The following CTNNA2 variants were observed in gnomAD, a reference collection of about 807,000 sequenced individuals.
The protein encoded by CTNNA2 is catenin alpha-2.
A neutral mutation model predicts 101.0 loss-of-function variants in CTNNA2; 42 were observed. That is an observed-to-expected ratio of 0.42 (90% CI 0.32 to 0.54). The LOEUF is 0.54. Among genes scored for constraint, CTNNA2 ranks in the 20% least tolerant of loss-of-function variants. The pLI, the probability that CTNNA2 is intolerant of heterozygous loss-of-function variation, is 0.14. For missense variants in CTNNA2, 871 were observed against 1,223.1 expected, an observed-to-expected ratio of 0.71 and a Z score of 4.29; for synonymous variants, 450 against 456.4, an observed-to-expected ratio of 0.99 and a Z score of 0.18.
rs144484759 is a variant in CTNNA2 at position 80,442,625 on chromosome 2, A to T, written c.1290+23024A>T. On this transcript the variant is annotated intron_variant, in intron 9 of 18. Transcript: ENST00000402739. Reference sequence around the variant, plus strand: ...CCACTGGGTGATAGAATTTTAGGCCATTAATATACCGTCTCTGTCTTTTTT... The same window carrying T: ...CCACTGGGTGATAGAATTTTAGGCCTTTAATATACCGTCTCTGTCTTTTTT... Among the ~76,000 whole-genome samples the T allele has an allele frequency of 3.1e-3, 471 of 152,314 alleles. 3 individuals are homozygous for T. The highest frequency in any genetic ancestry group is 0.011 in the African/African-American group (460 of 41,566).
intron 4 of CTNNA2, among the ~76,000 whole-genome samples, chr2:79,467,413 A>G (rs1240182712): frequency 6.6e-6 from 1 of 152,230 alleles, no homozygotes; most frequent in African/African-American, 2.4e-5. Flanking sequence ...GGTGTACCTG[A>G]AAGTGACGGG....
chr2:80,122,019 G>A (rs1267823306), intron 7 of CTNNA2, among the ~76,000 whole-genome samples: 1 of 152,112 alleles, frequency 6.6e-6, no homozygotes, highest in Non-Finnish European at 1.5e-5. Context: ...TCCTCGGCTT[G>A]GTCACAAATG....
At position 80,489,123 on chromosome 2, in the gene CTNNA2, C is replaced by G. The variant is rs187430445; in HGVS notation, c.1291-55859C>G. Among the ~76,000 whole-genome samples the G allele has an allele frequency of 7.2e-5, 11 of 152,128 alleles. No homozygotes were observed. In the East Asian group the frequency reaches 2.1e-3, roughly 29 times the overall value. On this transcript the variant is annotated intron_variant, in intron 9 of 18. Coordinates refer to ENST00000402739, the MANE Select transcript of CTNNA2 (RefSeq NM_001282597.3). The stretch of plus-strand genomic sequence containing the variant: ...TGGTGATTTTATGCTGGTCAGATTT[C>G]CCATTTGAATGAGGTGACAGCATTC...
chr2:80,552,284 T>C (rs78374889), intron 11 of CTNNA2, among the ~76,000 whole-genome samples: 1,823 of 152,286 alleles, frequency 0.012, 45 homozygotes, highest in African/African-American at 0.04. Flanking sequence ...ACCAACAGAC[T>C]TGCTTGACGC....
intron 7 of CTNNA2, among the ~76,000 whole-genome samples, chr2:80,031,631 A>T (rs1050726427): frequency 3.9e-5 from 6 of 152,228 alleles, no homozygotes; most frequent in African/African-American, 1.4e-4. Context: ...CGGCCAAACT[A>T]TATCAGGGTG....
At chr2:79,822,526 C>T (rs957849339) in intron 3 of CTNNA2, among the ~76,000 whole-genome samples, 11 of 152,262 alleles carry the variant, frequency 7.2e-5, no homozygotes, top group Admixed American at 7.2e-4. Context: ...ATACAGGAAG[C>T]ATCCTCCACA....
At chr2:79,879,887 G>T (rs1446396410) in intron 6 of CTNNA2, among the ~76,000 whole-genome samples, 1 of 152,060 alleles carries the variant, frequency 6.6e-6, no homozygotes, top group Non-Finnish European at 1.5e-5. Context: ...GGGCAGTTTT[G>T]TTATGTATTG....
chr2:80,378,665 A>G (rs13431891), intron 7 of CTNNA2: 22,149 of 152,102 alleles, frequency 0.15, 3,709 homozygotes, highest in African/African-American at 0.41. Flanking sequence ...TAGAAGCAAC[A>G]ATAGTTCATT....
intron 7 of CTNNA2, among the ~76,000 whole-genome samples, chr2:79,986,866 A>G (rs1558702481): frequency 6.6e-6 from 1 of 152,174 alleles, no homozygotes. Flanking sequence ...GCCTCTGTTT[A>G]CATGTTGTCT....
At chr2:79,326,295 A>C (rs1052057287) in intron 3 of CTNNA2, among the ~76,000 whole-genome samples, 3 of 137,854 alleles carry the variant, frequency 2.2e-5, no homozygotes, top group African/African-American at 8.3e-5. Flanking sequence ...CACTAAACAA[A>C]CAAGCAAAAA....
chr2:79,393,422 T>C (rs992592832), intron 4 of CTNNA2, among the ~76,000 whole-genome samples: 14 of 152,228 alleles, frequency 9.2e-5, no homozygotes, highest in Non-Finnish European at 1.5e-4. Flanking sequence ...GCCTCACTCA[T>C]TTGTTTATGT....
At chr2:79,860,550 T>TTTTTTTTTTG (rs1321981880) in intron 4 of CTNNA2, among the ~76,000 whole-genome samples, 4 of 143,064 alleles carry the variant, frequency 2.8e-5, no homozygotes, top group Non-Finnish European at 6.3e-5. Context: ...AGGGAAGTTT[T>TTTTTTTTTTG]TTTTTTTTTT....
chr2:79,748,576 T>G (rs193062251), intron 3 of CTNNA2, among the ~76,000 whole-genome samples: 143 of 152,238 alleles, frequency 9.4e-4, no homozygotes, highest in Non-Finnish European at 1.9e-3. Flanking sequence ...ATTGTACATG[T>G]CCATTTTCAG....
chr2:80,545,004 T>C lies in CTNNA2; in HGVS notation c.1313T>C (p.Ile438Thr), dbSNP rs1691915226. 1 of 1,613,916 alleles carries C rather than the reference T, an allele frequency of 6.2e-7. No individual in the cohort carries two copies. Among genetic ancestry groups the C allele is most frequent in the Non-Finnish European group, 8.5e-7 (1 of 1,179,948 alleles). ...CAGGTTGCCAATTTGGCCTGTTCCA[T>C]CTCCAACAATGAAGAAGGGGTGAAA... Reference protein sequence around the residue: ...LVEVANLACSISNNEEGVKLV... With the variant: ...LVEVANLACSTSNNEEGVKLV... Residue 438 changes from isoleucine to threonine, a missense_variant, in exon 10 of 19, where the codon ATC becomes ACC. Ile to Thr is a moderately conservative substitution (Grantham distance 89). Transcript: ENST00000402739.
chr2:80,402,923 A>C (rs1573955692), intron 8 of CTNNA2, among the ~76,000 whole-genome samples: 1 of 151,788 alleles, frequency 6.6e-6, no homozygotes, highest in African/African-American at 2.4e-5. Flanking sequence ...GCTTGGAAAG[A>C]TCTGTACTTT....
At chr2:79,548,054 T>C (rs1374302446) in intron 1 of CTNNA2, 3 of 152,228 alleles carry the variant, frequency 2.0e-5, no homozygotes, top group African/African-American at 7.2e-5. Context: ...AAGAAACTTA[T>C]TGCTATCATT....
intron 3 of CTNNA2, among the ~76,000 whole-genome samples, chr2:79,814,531 T>C (rs1430942904): frequency 6.6e-6 from 1 of 152,038 alleles, no homozygotes; most frequent in Non-Finnish European, 1.5e-5. Context: ...TAGTCTCCAA[T>C]TTCTTCCAGC....
chr2:80,483,951 TTCA>T (rs1272230281), intron 9 of CTNNA2, among the ~76,000 whole-genome samples: 1 of 152,138 alleles, frequency 6.6e-6, no homozygotes, highest in Admixed American at 6.5e-5. Flanking sequence ...ATAAATGAAC[TTCA>T]TCATGGGTAA....
intron 7 of CTNNA2, among the ~76,000 whole-genome samples, chr2:80,257,848 C>T (rs760603368): frequency 6.6e-6 from 1 of 152,226 alleles, no homozygotes; most frequent in Non-Finnish European, 1.5e-5. Flanking sequence ...CCCGGGCAAT[C>T]ATCAGTGCAG....
Sources: allele counts gnomAD v4.1 joint callset (sites outside exome capture counted in the v4.1 genomes callset), GRCh38; gene constraint gnomAD v4.1.1; transcripts MANE v1.5; gene names NCBI Gene and HGNC (gene_info 2026-07-23, HGNC 2026-07-21).